The following MYO6 variants were observed in gnomAD, a reference collection of about 807,000 sequenced individuals.
MYO6 encodes the protein myosin VI, also known as unconventional myosin-VI.
A neutral mutation model predicts 178.7 loss-of-function variants in MYO6; 74 were observed. The ratio of observed to expected loss-of-function variants is 0.41; its 90% confidence interval spans 0.34 to 0.50. The LOEUF is 0.50. MYO6 is among the 20% of genes least tolerant of loss of function. The probability of loss-of-function intolerance (pLI) is 0.09; values close to 1 mark genes in which losing one functional copy is unlikely to be tolerated. For missense variants in MYO6, 1,330 were observed against 1,547.4 expected (o/e 0.86, Z 2.36); for synonymous variants, 477 against 504.6 (o/e 0.95, Z 0.73).
intron 30 of MYO6, among the ~76,000 whole-genome samples, chr6:75,904,753 T>G (rs148238301): frequency 2.0e-3 from 312 of 152,344 alleles, no homozygotes; most frequent in African/African-American, 7.1e-3. Flanking sequence ...CCGTCCAGCT[T>G]TGTTCCGTGG....
intron 15 of MYO6, among the ~76,000 whole-genome samples, 170 bp downstream of exon 15, chr6:75,861,265 C>T (rs1776195134): frequency 6.6e-6 from 1 of 152,126 alleles, no homozygotes; most frequent in Non-Finnish European, 1.5e-5. Flanking sequence ...TCCACCAAGA[C>T]TTCAAAGGTA....
At chr6:75,804,868 G>A (rs769038899) in intron 1 of MYO6, among the ~76,000 whole-genome samples, 6 of 134,422 alleles carry the variant, frequency 4.5e-5, no homozygotes, top group East Asian at 2.5e-4. Context: ...ATATATATGC[G>A]CATATATATA....
chr6:75,787,679 T>TCC (rs1482452370), intron 1 of MYO6, among the ~76,000 whole-genome samples: 1 of 12,518 alleles, frequency 8.0e-5, no homozygotes, highest in Non-Finnish European at 1.2e-4. Flanking sequence ...GGAACTATTC[T>TCC]CTCTCTCTCT....
intron 14 of MYO6, 67 bp downstream of exon 14, chr6:75,859,060 TG>T (rs1775966755): frequency 9.5e-7 from 1 of 1,052,232 alleles, no homozygotes; most frequent in African/African-American, 1.6e-5. Flanking sequence ...GGAAGAGATA[TG>T]CTGCAGTTAC....
intron 30 of MYO6, among the ~76,000 whole-genome samples, chr6:75,905,715 G>A (rs897030702): frequency 1.3e-5 from 2 of 152,240 alleles, no homozygotes; most frequent in Non-Finnish European, 1.5e-5. Flanking sequence ...CATCAGAGCT[G>A]TTCCTATTCG....
chr6:75,801,612 A>T (rs1769463351), intron 1 of MYO6, among the ~76,000 whole-genome samples: 1 of 151,886 alleles, frequency 6.6e-6, no homozygotes. Context: ...TGTGGAGTGG[A>T]GTTGAAAGTT....
At chr6:75,867,137 TA>T in intron 18 of MYO6, 32 bp downstream of exon 18, 1 of 1,487,280 alleles carries the variant, frequency 6.7e-7, no homozygotes, top group Non-Finnish European at 9.1e-7. Context: ...TTTTTTACTA[TA>T]TTTAAAATGA....
At chr6:75,758,116 T>G (rs907135425) in intron 1 of MYO6, among the ~76,000 whole-genome samples, 1 of 151,660 alleles carries the variant, frequency 6.6e-6, no homozygotes, top group African/African-American at 2.4e-5. Flanking sequence ...TAGCTGGGAC[T>G]ACAGGCACGT....
At chr6:75,850,242 A>G (rs1371169108) in intron 11 of MYO6, among the ~76,000 whole-genome samples, 1 of 152,144 alleles carries the variant, frequency 6.6e-6, no homozygotes, top group Admixed American at 6.6e-5. Flanking sequence ...TAGTGTGCAT[A>G]TAGGGAAAGA....
At chr6:75,781,084 AT>A (rs1197472178) in intron 1 of MYO6, among the ~76,000 whole-genome samples, 11 of 152,156 alleles carry the variant, frequency 7.2e-5, no homozygotes, top group African/African-American at 2.7e-4. Context: ...AAGTGCTGGG[AT>A]TACAGGCATA....
chr6:75,885,220 G>C (rs1778337075), intron 23 of MYO6, among the ~76,000 whole-genome samples: 1 of 152,118 alleles, frequency 6.6e-6, no homozygotes, highest in South Asian at 2.1e-4. Context: ...TTATTTTTAA[G>C]AAGAATAAGA....
In MYO6 at chr6:75,916,296, T is replaced by G. The variant is rs546877472; in HGVS notation, c.*1284T>G. The stretch of plus-strand genomic sequence containing the variant: ...CCTAACCTTTGAAATGAAATTCCAG[T>G]GATTTCTTTTTTCCCTAGAAAGATT... On this transcript the variant is annotated 3_prime_UTR_variant, in exon 35 of 35. Coordinates refer to ENST00000369977, the MANE Select transcript of MYO6 (RefSeq NM_004999.4). 1.2e-4 allele frequency: 18 copies of G among 152,394 alleles called. No individual in the cohort carries two copies. The East Asian group carries it at 3.5e-3, about 29-fold the overall frequency. 9.4% of individuals were successfully genotyped at this position (152,394 alleles called of 1,614,324 possible). A position where few individuals can be genotyped will look rare whatever the true frequency, so the allele number is the denominator to read the frequency against.
At chr6:75,806,859 T>C (rs1238286254) in intron 1 of MYO6, among the ~76,000 whole-genome samples, 1 of 152,234 alleles carries the variant, frequency 6.6e-6, no homozygotes, top group Non-Finnish European at 1.5e-5. Context: ...TGTTCGGGGC[T>C]CTCAGCTCTG....
At chr6:75,800,382 A>C (rs1444202148) in intron 1 of MYO6, among the ~76,000 whole-genome samples, 1 of 152,120 alleles carries the variant, frequency 6.6e-6, no homozygotes, top group Non-Finnish European at 1.5e-5. Context: ...TTACAAGTGG[A>C]TGTCCTTAAT....
chr6:75,861,981 C>T (rs2149296852), intron 15 of MYO6, among the ~76,000 whole-genome samples: 1 of 152,280 alleles, frequency 6.6e-6, no homozygotes, highest in South Asian at 2.1e-4. Flanking sequence ...CATGCCCCTC[C>T]TGCCCTACCA....
intron 15 of MYO6, 25 bp from the exon 16 acceptor site, chr6:75,862,571 T>C: frequency 1.9e-6 from 3 of 1,587,090 alleles, no homozygotes; most frequent in African/African-American, 1.3e-5. Context: ...TACACTATTG[T>C]GAGTGTTTTC....
intron 4 of MYO6, 59 bp downstream of exon 4, chr6:75,828,672 T>C: frequency 9.3e-7 from 1 of 1,077,130 alleles, no homozygotes; most frequent in Non-Finnish European, 1.4e-6. Context: ...TGTGGTACTC[T>C]TTGATTTTGT....
At chr6:75,887,179 G>T (rs1191563869) in intron 25 of MYO6, among the ~76,000 whole-genome samples, 185 bp downstream of exon 25, 2 of 152,026 alleles carry the variant, frequency 1.3e-5, no homozygotes, top group Non-Finnish European at 2.9e-5. Flanking sequence ...AAATTTCATA[G>T]CAAAAAGTTA....
chr6:75,816,100 G>A (rs1771215215), intron 1 of MYO6, among the ~76,000 whole-genome samples: 1 of 152,192 alleles, frequency 6.6e-6, no homozygotes, highest in Non-Finnish European at 1.5e-5. Flanking sequence ...TTCACCTTAG[G>A]CAAAAACTGT....
Sources: gnomAD v4.1 joint callset for allele counts (sites outside exome capture counted in the v4.1 genomes callset) on GRCh38, gnomAD v4.1.1 for gene constraint, MANE v1.5 for transcripts, NCBI Gene and HGNC (gene_info 2026-07-23, HGNC 2026-07-21) for gene names.